PJA2: variants seen among roughly 807,000 people sequenced by gnomAD.
PJA2 encodes the protein E3 ubiquitin-protein ligase Praja-2.
PJA2 carries 25 observed loss-of-function variants against 69.3 expected under a neutral mutation model. The observed-to-expected ratio is 0.36, with a 90% CI of 0.26 to 0.50. The LOEUF (loss-of-function observed/expected upper bound fraction) is 0.50. Among genes scored for constraint, PJA2 ranks in the 20% least tolerant of loss-of-function variants. The pLI is 0.96. For synonymous variants in PJA2, 308 were observed against 277.8 expected, an observed-to-expected ratio of 1.11 and a Z score of -1.08; for missense variants, 809 against 830.2, an observed-to-expected ratio of 0.97 and a Z score of 0.31.
chr5:109,360,275 T>C (rs948869406), intron 6 of PJA2, among the ~76,000 whole-genome samples: 9 of 152,180 alleles, frequency 5.9e-5, no homozygotes, highest in Non-Finnish European at 1.3e-4. Context: ...TTTGTCTGTG[T>C]CTAAAACGAT....
In PJA2 at chr5:109,383,688, T is replaced by C. The variant is rs76366580; in HGVS notation, c.-87-168A>G. Among the ~76,000 whole-genome samples, 149 of 152,310 alleles carry C rather than the reference T, an allele frequency of 9.8e-4. 4 individuals are homozygous for C. The East Asian group carries it at 0.026, about 26-fold the overall frequency. ...GTGATCCGCCTTAGATTACAGCACT[T>C]TGGCAGGCCAAGGCGAGCAAATCAG... On this transcript the variant is annotated intron_variant, in intron 1 of 9. Coordinates refer to ENST00000361189, the MANE Select transcript of PJA2 (RefSeq NM_014819.5).
At chr5:109,361,617 C>G (rs892765785) in intron 6 of PJA2, among the ~76,000 whole-genome samples, 1 of 152,118 alleles carries the variant, frequency 6.6e-6, no homozygotes, top group Admixed American at 6.5e-5. Context: ...TGGGGAGACA[C>G]AGAAACGGAG....
chr5:109,398,260 G>C (rs1747462507), intron 1 of PJA2, among the ~76,000 whole-genome samples: 1 of 152,122 alleles, frequency 6.6e-6, no homozygotes, highest in South Asian at 2.1e-4. Flanking sequence ...ATTTGACCCA[G>C]CCATCCCATT....
chr5:109,350,722 A>G (rs898667660), intron 7 of PJA2, among the ~76,000 whole-genome samples: 1 of 152,218 alleles, frequency 6.6e-6, no homozygotes, highest in Admixed American at 6.5e-5. Context: ...TGAATTGTCC[A>G]AGGTCACACA....
At chr5:109,371,552 G>A (rs899363633) in intron 4 of PJA2, among the ~76,000 whole-genome samples, 3 of 152,160 alleles carry the variant, frequency 2.0e-5, no homozygotes, top group South Asian at 2.1e-4. Context: ...TAGTTCAAAT[G>A]CTTTTCTCCA....
chr5:109,383,546 A>T (rs552395375), intron 1 of PJA2, 26 bp from the exon 2 acceptor site: 83 of 828,922 alleles, frequency 1.0e-4, no homozygotes, highest in Non-Finnish European at 1.4e-4. Flanking sequence ...GAATTGAACA[A>T]TATATTAATA....
chr5:109,344,926 T>TA, intron 7 of PJA2, 107 bp from the exon 8 acceptor site: 1 of 681,108 alleles, frequency 1.5e-6, no homozygotes. Context: ...CTCTTTTTGT[T>TA]AGTTTCTTTT....
intron 8 of PJA2, 105 bp downstream of exon 8, chr5:109,344,600 T>C: frequency 2.5e-6 from 2 of 794,934 alleles, no homozygotes; most frequent in Non-Finnish European, 3.9e-6. Context: ...AAAAAAAATC[T>C]AGTGAAAGTT....
chr5:109,345,215 G>A (rs919625794), intron 7 of PJA2, among the ~76,000 whole-genome samples: 1 of 151,358 alleles, frequency 6.6e-6, no homozygotes, highest in Non-Finnish European at 1.5e-5. Context: ...AATTAGCAGG[G>A]TGTGGTGGCA....
At chr5:109,373,638 TAA>T (rs1215351879) in intron 4 of PJA2, among the ~76,000 whole-genome samples, 3 of 152,192 alleles carry the variant, frequency 2.0e-5, no homozygotes, top group African/African-American at 7.2e-5. Context: ...TTCTAGATTT[TAA>T]AAGCGGGTGA....
intron 6 of PJA2, among the ~76,000 whole-genome samples, chr5:109,358,151 A>T (rs1353524764): frequency 2.6e-5 from 4 of 152,198 alleles, no homozygotes; most frequent in African/African-American, 7.2e-5. Flanking sequence ...GATGGCCATA[A>T]TGCCCATGCT....
intron 2 of PJA2, among the ~76,000 whole-genome samples, chr5:109,382,421 C>A (rs77778475): frequency 0.03 from 4,637 of 152,268 alleles, 94 homozygotes; most frequent in Middle Eastern, 0.048. Flanking sequence ...ACAGCAGCAA[C>A]TTTCACTAAG....
intron 7 of PJA2, among the ~76,000 whole-genome samples, chr5:109,355,119 G>A (rs147597826): frequency 1.1e-4 from 17 of 152,020 alleles, no homozygotes; most frequent in Admixed American, 9.8e-4. Flanking sequence ...GTGAGATCTC[G>A]TCTCAAAAAT....
At chr5:109,346,243 C>A (rs1044958210) in intron 7 of PJA2, among the ~76,000 whole-genome samples, 3 of 152,228 alleles carry the variant, frequency 2.0e-5, no homozygotes, top group Non-Finnish European at 2.9e-5. Context: ...ACCTTGGCTT[C>A]TTTTTAGGGA....
At chr5:109,403,509 C>T (rs1747610192) in intron 1 of PJA2, among the ~76,000 whole-genome samples, 1 of 151,022 alleles carries the variant, frequency 6.6e-6, no homozygotes, top group Non-Finnish European at 1.5e-5. Flanking sequence ...CTTTGCAACT[C>T]TATGAAACCA....
intron 4 of PJA2, 48 bp downstream of exon 4, chr5:109,378,156 C>T (rs1746935781): frequency 7.3e-7 from 1 of 1,364,666 alleles, no homozygotes; most frequent in Non-Finnish European, 1.0e-6. Flanking sequence ...TAGAAAGAAA[C>T]CACTTCATTT....
intron 1 of PJA2, among the ~76,000 whole-genome samples, chr5:109,391,484 A>G (rs2963022): frequency 0.77 from 116,391 of 151,546 alleles, 45,700 homozygotes; most frequent in African/African-American, 0.91. Context: ...TACATTAGAC[A>G]CCTTTTTTTT....
At chr5:109,361,272 T>C (rs1256020122) in intron 6 of PJA2, among the ~76,000 whole-genome samples, 2 of 152,334 alleles carry the variant, frequency 1.3e-5, no homozygotes, top group African/African-American at 4.8e-5. Flanking sequence ...CTCCAATTAT[T>C]TGTCCTAAAG....
In PJA2 at chr5:109,337,268, G is replaced by T. The variant is rs748373024; in HGVS notation, c.2090C>A (p.Ala697Asp). 6.2e-7 allele frequency: 1 copy of T among 1,613,646 alleles called. No homozygotes were observed. Among genetic ancestry groups the T allele is most frequent in the Non-Finnish European group, 8.5e-7 (1 of 1,179,860 alleles). The change falls in exon 10 of 10, where the codon GCC becomes GAC. Residue 697 changes from alanine to aspartate, a missense_variant. Physicochemically the swap from Ala to Asp is moderately radical, Grantham distance 126. This residue lies in a region of PJA2 where 35 missense variants were observed against 37.0 expected (regional missense o/e 0.94). Coordinates refer to ENST00000361189, the MANE Select transcript of PJA2 (RefSeq NM_014819.5). Reference protein sequence around the residue: ...AAPSSEPDPDAPPSNDSIAEA... With the variant: ...AAPSSEPDPDDPPSNDSIAEA... ...TGCAATACTGTCATTTGAAGGTGGGGCATCAGGATCAGGCTCAGAGGAAGG... is the reference window on the plus strand; with the variant it reads ...TGCAATACTGTCATTTGAAGGTGGGTCATCAGGATCAGGCTCAGAGGAAGG...
Sources: gnomAD v4.1 joint callset for allele counts (sites outside exome capture counted in the v4.1 genomes callset) on GRCh38, gnomAD v4.1.1 for gene constraint, gnomAD v4.1.1 regional missense constraint, MANE v1.5 for transcripts, NCBI Gene and HGNC (gene_info 2026-07-23, HGNC 2026-07-21) for gene names.